RPTOR: variants seen among roughly 807,000 people sequenced by gnomAD.
RPTOR encodes regulatory associated protein of MTOR complex 1, also known as regulatory-associated protein of mTOR.
A neutral mutation model predicts 169.9 loss-of-function variants in RPTOR; 21 were observed. That is an observed-to-expected ratio of 0.12 (90% CI 0.09 to 0.18). The LOEUF is 0.18. Ranked by LOEUF, RPTOR falls within the 10% of genes least tolerant of loss-of-function variation. RPTOR has a pLI of 1.00. For synonymous variants in RPTOR, 732 were observed against 753.2 expected, an observed-to-expected ratio of 0.97 and a Z score of 0.46; for missense variants, 1,133 against 1,855.9, an observed-to-expected ratio of 0.61 and a Z score of 7.16.
At chr17:80,585,208 GT>G (rs1251210212) in intron 1 of RPTOR, among the ~76,000 whole-genome samples, 6 of 120,684 alleles carry the variant, frequency 5.0e-5, no homozygotes, top group Admixed American at 8.0e-5. Flanking sequence ...TATTATTTTT[GT>G]TTTTTTTTTT....
intron 21 of RPTOR, 91 bp from the exon 22 acceptor site, chr17:80,922,633 G>A (rs527525578): frequency 8.5e-6 from 9 of 1,053,502 alleles, no homozygotes; most frequent in Non-Finnish European, 1.3e-5. Flanking sequence ...CTGTGATTCT[G>A]AAGCGGCTCC....
At chr17:80,962,852 C>A in intron 32 of RPTOR, 76 bp from the exon 33 acceptor site, 1 of 1,593,662 alleles carries the variant, frequency 6.3e-7, no homozygotes, top group East Asian at 2.3e-5. Flanking sequence ...CCTGTCCCCG[C>A]GGTCTCGGCA....
intron 1 of RPTOR, among the ~76,000 whole-genome samples, chr17:80,586,307 A>C (rs1313634263): frequency 2.0e-5 from 3 of 152,090 alleles, no homozygotes; most frequent in African/African-American, 4.8e-5. Flanking sequence ...TGGTAAATTG[A>C]GTCTTGTGAC....
intron 3 of RPTOR, among the ~76,000 whole-genome samples, chr17:80,675,810 T>C (rs1490358407): frequency 5.3e-5 from 8 of 152,116 alleles, no homozygotes; most frequent in Admixed American, 2.0e-4. Context: ...CCTCCAAGCA[T>C]TTTCACTTGT....
intron 3 of RPTOR, among the ~76,000 whole-genome samples, chr17:80,701,010 A>G (rs1357854833): frequency 1.3e-5 from 2 of 152,126 alleles, no homozygotes; most frequent in African/African-American, 2.4e-5. Context: ...GAAGGTGTCA[A>G]GGGTGATTCT....
intron 5 of RPTOR, among the ~76,000 whole-genome samples, chr17:80,739,321 G>A (rs1199496658): frequency 6.6e-6 from 1 of 152,228 alleles, no homozygotes; most frequent in East Asian, 1.9e-4. Context: ...TCAGAAACAC[G>A]GAAGAGGTGT....
chr17:80,809,732 G>C (rs1020530254), intron 7 of RPTOR, among the ~76,000 whole-genome samples: 2 of 152,056 alleles, frequency 1.3e-5, no homozygotes, highest in Non-Finnish European at 2.9e-5. Context: ...TCTGTGGCTT[G>C]TGTTTTTATT....
rs1239699773 is a variant in RPTOR at position 80,964,969 on chromosome 17, A to G, written c.*639A>G. On this transcript the variant is annotated 3_prime_UTR_variant, in exon 34 of 34. Transcript: ENST00000306801. ...CGGGCTGTCCTTGGCCGCTGGCAGC[A>G]TCACTGAGCAGGAAGCGCACAGCCC... 7 of 233,368 alleles carry G rather than the reference A, an allele frequency of 3.0e-5. No homozygotes were observed. In the Admixed American group the frequency reaches 3.9e-4, roughly 13 times the overall value. The allele number at this position is 233,368 out of a possible 1,614,324, so 14.5% of individuals were successfully genotyped here.
chr17:80,821,701 G>A (rs747070855), intron 7 of RPTOR, among the ~76,000 whole-genome samples: 9 of 152,192 alleles, frequency 5.9e-5, no homozygotes, highest in Non-Finnish European at 8.8e-5. Flanking sequence ...GCCTGGGCGC[G>A]CGCTGGCAAT....
chr17:80,951,224 A>G (rs1342308084), intron 28 of RPTOR, among the ~76,000 whole-genome samples: 2 of 151,962 alleles, frequency 1.3e-5, no homozygotes, highest in Non-Finnish European at 2.9e-5. Context: ...CACCCCCAGA[A>G]GCATCCACAC....
At chr17:80,848,040 C>T (rs1313870627) in intron 11 of RPTOR, among the ~76,000 whole-genome samples, 1 of 152,236 alleles carries the variant, frequency 6.6e-6, no homozygotes, top group Non-Finnish European at 1.5e-5. Flanking sequence ...GGACTTTGCC[C>T]CAAGAATCTC....
At chr17:80,634,881 A>G (rs1307536784) in intron 2 of RPTOR, among the ~76,000 whole-genome samples, 1 of 129,406 alleles carries the variant, frequency 7.7e-6, no homozygotes, top group Non-Finnish European at 1.7e-5. Context: ...TACTGTGTGC[A>G]TACTTTGTGT....
At chr17:80,883,321 C>G in intron 14 of RPTOR, 98 bp from the exon 15 acceptor site, 1 of 1,040,878 alleles carries the variant, frequency 9.6e-7, no homozygotes, top group Non-Finnish European at 1.5e-6. Context: ...TTATGCGCCA[C>G]GCGTGTCATG....
chr17:80,705,113 C>T (rs778296873), intron 3 of RPTOR, among the ~76,000 whole-genome samples: 1 of 152,254 alleles, frequency 6.6e-6, no homozygotes, highest in African/African-American at 2.4e-5. Context: ...TCCCTGTGGC[C>T]CTGGGCTCCC....
Position 80,835,862 on chromosome 17 carries a change from G to A in RPTOR, c.1137-2060G>A, listed in dbSNP as rs144262386. Among the ~76,000 whole-genome samples the A allele has an allele frequency of 3.9e-3, 595 of 152,310 alleles. 3 individuals carry two copies. The highest frequency in any genetic ancestry group is 0.028 in the South Asian group (133 of 4,824). On this transcript the variant is annotated intron_variant, in intron 9 of 33. Coordinates refer to ENST00000306801, the MANE Select transcript of RPTOR (RefSeq NM_020761.3). ...GAAGAGATACTCAACCTGTATCCGC[G>A]GAGATCAAGACTGTGTTCTGTGGCT...
chr17:80,614,210 C>T (rs945580403), intron 1 of RPTOR, among the ~76,000 whole-genome samples: 1 of 152,166 alleles, frequency 6.6e-6, no homozygotes, highest in Non-Finnish European at 1.5e-5. Context: ...GGTTGGGGGT[C>T]CCAGAGGTGT....
intron 3 of RPTOR, among the ~76,000 whole-genome samples, chr17:80,648,226 C>T (rs2065611937): frequency 1.3e-5 from 2 of 152,040 alleles, no homozygotes; most frequent in South Asian, 2.1e-4. Context: ...AAGCTGATGA[C>T]TATACCTCCT....
chr17:80,802,631 C>T (rs557089421), intron 7 of RPTOR: 1 of 152,468 alleles, frequency 6.6e-6, no homozygotes, highest in Middle Eastern at 3.4e-3. Flanking sequence ...ATGCATGTGT[C>T]TGGATATCTC....
At chr17:80,772,916 A>C (rs7221610) in intron 6 of RPTOR, among the ~76,000 whole-genome samples, 1 of 152,094 alleles carries the variant, frequency 6.6e-6, no homozygotes, top group Admixed American at 6.5e-5. Context: ...ACAGGGGCAG[A>C]GCCAGGGCTA....
Sources: gnomAD v4.1 joint callset for allele counts (sites outside exome capture counted in the v4.1 genomes callset) on GRCh38, gnomAD v4.1.1 for gene constraint, MANE v1.5 for transcripts, NCBI Gene and HGNC (gene_info 2026-07-23, HGNC 2026-07-21) for gene names.